WWOX: variants seen among roughly 807,000 people sequenced by gnomAD.
WWOX encodes WW domain-containing oxidoreductase.
Under a neutral mutation model 46.2 loss-of-function variants are expected in WWOX, and 69 were observed. The ratio of observed to expected loss-of-function variants is 1.49; its 90% CI spans 1.23 to 1.82. WWOX has a LOEUF of 1.82. WWOX is among the 40% of genes most tolerant of loss of function. WWOX has a pLI of 0.00. For synonymous variants in WWOX, 359 were observed against 202.6 expected, an observed-to-expected ratio of 1.77 and a Z score of -6.56; for missense variants, 919 against 542.6, an observed-to-expected ratio of 1.69 and a Z score of -6.89.
At chr16:78,837,460 A>T (rs1191000008) in intron 8 of WWOX, among the ~76,000 whole-genome samples, 1 of 152,250 alleles carries the variant, frequency 6.6e-6, no homozygotes, top group Non-Finnish European at 1.5e-5. Flanking sequence ...AAAATGGACA[A>T]ATATGGATGT....
intron 5 of WWOX, among the ~76,000 whole-genome samples, chr16:78,381,573 A>G (rs1024033494): frequency 6.6e-6 from 1 of 152,156 alleles, no homozygotes; most frequent in East Asian, 1.9e-4. Flanking sequence ...TAGAGTCTGT[A>G]TACATAATTT....
chr16:78,958,604 C>T (rs1182630893), intron 8 of WWOX, among the ~76,000 whole-genome samples: 1 of 152,192 alleles, frequency 6.6e-6, no homozygotes. Flanking sequence ...CCCCTCTCTC[C>T]CACTAGAAAT....
chr16:79,118,425 TA>T (rs2049562255), intron 8 of WWOX, among the ~76,000 whole-genome samples: 1 of 152,164 alleles, frequency 6.6e-6, no homozygotes, highest in Admixed American at 6.5e-5. Flanking sequence ...AATAATAATT[TA>T]AAAGCTTGAA....
At chr16:78,245,660 G>T (rs1340375821) in intron 5 of WWOX, among the ~76,000 whole-genome samples, 1 of 152,242 alleles carries the variant, frequency 6.6e-6, no homozygotes, top group Non-Finnish European at 1.5e-5. Context: ...TCAAAGACAA[G>T]TAGTGGGAAC....
Position 78,589,084 on chromosome 16 carries a change from G to C in WWOX, c.1056+156332G>C, listed in dbSNP as rs764048314. ...GTTACCTGTAGATTCTCCCACTGTT[G>C]TACTTGTTTCTCCCTCAACCAATTG... On this transcript the variant is annotated intron_variant, in intron 8 of 8. Transcript: ENST00000566780. Among the ~76,000 whole-genome samples the C allele has an allele frequency of 3.5e-4, 54 of 152,268 alleles. 1 individual carries two copies. Among genetic ancestry groups the C allele is most frequent in the Non-Finnish European group, 1.8e-4 (12 of 68,018 alleles).
intron 8 of WWOX, among the ~76,000 whole-genome samples, chr16:79,194,755 C>G (rs925914820): frequency 6.6e-6 from 1 of 152,124 alleles, no homozygotes. Context: ...GTTGATGTTT[C>G]TTGATCACTG....
In WWOX at chr16:78,811,487, C is replaced by A. The variant is rs552171496; in HGVS notation, c.1056+378735C>A. 1.2e-4 allele frequency among the ~76,000 whole-genome samples: 18 copies of A among 151,754 alleles called. No homozygotes were observed. The South Asian group carries it at 2.7e-3, about 23-fold the overall frequency. ...TTCTCCTCTCCTGTCCTTTCTCTCTCCCTCCCTCTTTCTTTTCTTTCTTTT... is the reference window on the plus strand; with the variant it reads ...TTCTCCTCTCCTGTCCTTTCTCTCTACCTCCCTCTTTCTTTTCTTTCTTTT... On this transcript the variant is annotated intron_variant, in intron 8 of 8. Coordinates refer to ENST00000566780, the MANE Select transcript of WWOX (RefSeq NM_016373.4).
intron 8 of WWOX, among the ~76,000 whole-genome samples, chr16:79,013,207 C>G (rs1042339076): frequency 1.3e-5 from 2 of 152,226 alleles, no homozygotes; most frequent in African/African-American, 4.8e-5. Context: ...GCTCACTGTG[C>G]AGGAAGAGGC....
rs561223557 is a variant in WWOX, at chr16:78,118,665, G to A, written c.409+3511G>A. On this transcript the variant is annotated intron_variant, in intron 4 of 8. Coordinates refer to ENST00000566780, the MANE Select transcript of WWOX (RefSeq NM_016373.4). Reference sequence around the variant, plus strand: ...CAGAGATCATCTAGCTCGCAAAACTGTAAATATTTACTCTTTGGCCTTTCC... The same window carrying A: ...CAGAGATCATCTAGCTCGCAAAACTATAAATATTTACTCTTTGGCCTTTCC... 1.5e-4 allele frequency among the ~76,000 whole-genome samples: 23 copies of A among 152,246 alleles called. No individual in the cohort carries two copies. The South Asian group carries it at 4.6e-3, about 30-fold the overall frequency.
At position 78,958,677 on chromosome 16, in the gene WWOX, C is replaced by G. The variant is rs1053307165; in HGVS notation, c.1057-252931C>G. 5.3e-5 allele frequency among the ~76,000 whole-genome samples: 8 copies of G among 152,258 alleles called. No individual in the cohort carries two copies. The South Asian group carries it at 8.3e-4, about 16-fold the overall frequency. On this transcript the variant is annotated intron_variant, in intron 8 of 8. Transcript: ENST00000566780. ...GTTTCTCTGGTTTTCTTTTGGTATT[C>G]TCAGACAACTGAAATATAAATTACA...
At chr16:78,171,645 T>C (rs1025097155) in intron 5 of WWOX, among the ~76,000 whole-genome samples, 1 of 152,162 alleles carries the variant, frequency 6.6e-6, no homozygotes, top group African/African-American at 2.4e-5. Context: ...CTATTAATAT[T>C]ATTAATAGTT....
intron 5 of WWOX, among the ~76,000 whole-genome samples, chr16:78,368,194 C>T (rs1381964439): frequency 6.6e-6 from 1 of 152,222 alleles, no homozygotes; most frequent in Non-Finnish European, 1.5e-5. Flanking sequence ...GTAATCTCCC[C>T]TTCTGTGAAC....
At chr16:79,148,177 A>T (rs2150727709) in intron 8 of WWOX, among the ~76,000 whole-genome samples, 1 of 152,058 alleles carries the variant, frequency 6.6e-6, no homozygotes, top group South Asian at 2.1e-4. Context: ...AATTTCTAAT[A>T]TTTTTTTCCT....
At chr16:78,955,051 A>G (rs562095533) in intron 8 of WWOX, among the ~76,000 whole-genome samples, 22 of 152,242 alleles carry the variant, frequency 1.4e-4, no homozygotes, top group African/African-American at 3.6e-4. Context: ...TGTCCCCCAC[A>G]AAGTATTGGG....
In WWOX at chr16:78,760,368, C is replaced by T. The variant is rs1368365162; in HGVS notation, c.1056+327616C>T. On this transcript the variant is annotated intron_variant, in intron 8 of 8. Transcript: ENST00000566780. Reference sequence around the variant, plus strand: ...ATTCAATATGAGATTTGGATGGGGACACAGCCAAACCATATCACAGGATAG... The same window carrying T: ...ATTCAATATGAGATTTGGATGGGGATACAGCCAAACCATATCACAGGATAG... Among the ~76,000 whole-genome samples the T allele has an allele frequency of 2.0e-5, 3 of 152,190 alleles. No homozygotes were observed. In the South Asian group the frequency reaches 6.2e-4, roughly 32 times the overall value.
At chr16:78,787,717 T>G (rs2050492301) in intron 8 of WWOX, among the ~76,000 whole-genome samples, 1 of 152,214 alleles carries the variant, frequency 6.6e-6, no homozygotes, top group African/African-American at 2.4e-5. Context: ...GGCAATTTTA[T>G]ATTTAACTTT....
intron 5 of WWOX, among the ~76,000 whole-genome samples, chr16:78,166,564 T>A (rs1181653261): frequency 2.7e-5 from 4 of 147,940 alleles, no homozygotes; most frequent in African/African-American, 4.9e-5. Flanking sequence ...CTTTTTCTTT[T>A]TTATTTTTTT....
intron 8 of WWOX, among the ~76,000 whole-genome samples, chr16:78,622,011 T>A (rs1203398827): frequency 6.6e-6 from 1 of 152,160 alleles, no homozygotes; most frequent in Non-Finnish European, 1.5e-5. Flanking sequence ...ATTCTTGGGC[T>A]AGTTGAAGGA....
chr16:78,437,741 TAGC>T (rs1481804132), intron 8 of WWOX, among the ~76,000 whole-genome samples: 1 of 152,226 alleles, frequency 6.6e-6, no homozygotes, highest in Non-Finnish European at 1.5e-5. Flanking sequence ...ATACTTCAAA[TAGC>T]TGCTTCTAAA....
Sources: gnomAD v4.1 joint callset for allele counts (sites outside exome capture counted in the v4.1 genomes callset) on GRCh38, gnomAD v4.1.1 for gene constraint, MANE v1.5 for transcripts, NCBI Gene and HGNC (gene_info 2026-07-23, HGNC 2026-07-21) for gene names.